Variants in SEMA3C observed in about 807,000 individuals in gnomAD.
SEMA3C encodes the protein semaphorin 3C, also known as semaphorin-3C.
SEMA3C carries 47 observed loss-of-function variants against 89.4 expected under a neutral mutation model. The observed-to-expected ratio is 0.53, with a 90% CI of 0.42 to 0.67. The LOEUF (loss-of-function observed/expected upper bound fraction) is 0.67. Ranked by LOEUF, SEMA3C falls within the 30% of genes least tolerant of loss-of-function variation. The pLI, the probability that SEMA3C is intolerant of heterozygous loss-of-function variation, is 0.00. For synonymous variants in SEMA3C, 310 were observed against 320.2 expected, an observed-to-expected ratio of 0.97 and a Z score of 0.34; for missense variants, 839 against 929.1, an observed-to-expected ratio of 0.90 and a Z score of 1.26.
intron 2 of SEMA3C, among the ~76,000 whole-genome samples, chr7:80,891,879 T>C (rs1300633162): frequency 6.6e-6 from 1 of 152,140 alleles, no homozygotes; most frequent in Non-Finnish European, 1.5e-5. Context: ...TAAAATTTAC[T>C]TTTTAAAGTA....
chr7:80,777,280 T>C (rs1205508065), intron 12 of SEMA3C, among the ~76,000 whole-genome samples: 1 of 152,112 alleles, frequency 6.6e-6, no homozygotes, highest in East Asian at 1.9e-4. Context: ...ACCATTCTAA[T>C]AAATTATTTT....
At chr7:80,913,580 T>A (rs1792203185) in intron 2 of SEMA3C, among the ~76,000 whole-genome samples, 1 of 152,212 alleles carries the variant, frequency 6.6e-6, no homozygotes, top group African/African-American at 2.4e-5. Context: ...AGGAAAAACT[T>A]ATACTAAAAG....
intron 15 of SEMA3C, among the ~76,000 whole-genome samples, chr7:80,756,690 C>T (rs1475796437): frequency 5.9e-5 from 9 of 152,194 alleles, no homozygotes; most frequent in African/African-American, 2.2e-4. Context: ...TTGAGCAATC[C>T]TGACATACTC....
chr7:80,767,830 C>T (rs2117065523), intron 12 of SEMA3C, among the ~76,000 whole-genome samples: 1 of 152,182 alleles, frequency 6.6e-6, no homozygotes, highest in Middle Eastern at 3.4e-3. Context: ...GCTTCTATTC[C>T]ACAGGCACGA....
At chr7:80,774,698 A>C (rs1173858054) in intron 12 of SEMA3C, among the ~76,000 whole-genome samples, 1 of 152,160 alleles carries the variant, frequency 6.6e-6, no homozygotes, top group African/African-American at 2.4e-5. Context: ...AAAAGATTGA[A>C]GAAGGTGAAC....
chr7:80,886,735 A>G (rs974374197), intron 2 of SEMA3C, among the ~76,000 whole-genome samples: 6 of 152,220 alleles, frequency 3.9e-5, no homozygotes, highest in Non-Finnish European at 7.4e-5. Context: ...GCAAAAATTC[A>G]GATATCTAAG....
chr7:80,773,456 A>T (rs1276138436), intron 12 of SEMA3C, among the ~76,000 whole-genome samples: 3 of 152,204 alleles, frequency 2.0e-5, no homozygotes, highest in Admixed American at 2.0e-4. Context: ...ACCATGATGG[A>T]GTAATTGATA....
At chr7:80,790,178 G>T (rs1562876182) in intron 11 of SEMA3C, among the ~76,000 whole-genome samples, 1 of 152,062 alleles carries the variant, frequency 6.6e-6, no homozygotes, top group African/African-American at 2.4e-5. Flanking sequence ...CAACTCCTTG[G>T]GAAACTGAGG....
intron 2 of SEMA3C, among the ~76,000 whole-genome samples, chr7:80,883,880 T>A (rs1411622376): frequency 6.6e-6 from 1 of 152,210 alleles, no homozygotes; most frequent in Non-Finnish European, 1.5e-5. Flanking sequence ...CAACTTTCAT[T>A]TTTACTTAGC....
intron 3 of SEMA3C, 106 bp downstream of exon 3, chr7:80,828,479 T>C: frequency 2.2e-6 from 2 of 910,714 alleles, no homozygotes; most frequent in Non-Finnish European, 3.2e-6. Flanking sequence ...GGACCAGTAT[T>C]TTCTATTGTT....
At chr7:80,760,286 C>G (rs1562862642) in intron 14 of SEMA3C, among the ~76,000 whole-genome samples, 1 of 152,136 alleles carries the variant, frequency 6.6e-6, no homozygotes, top group African/African-American at 2.4e-5. Flanking sequence ...ATAGTTAAAA[C>G]TTGCATACAG....
Position 80,815,554 on chromosome 7 carries a change from C to CAAAAAAAAAAAAAAAA in SEMA3C, c.447+2729_447+2744dup, listed in dbSNP as rs761990267. Among the ~76,000 whole-genome samples the CAAAAAAAAAAAAAAAA allele has an allele frequency of 4.4e-3, 261 of 58,756 alleles. 10 individuals carry two copies. The highest frequency in any genetic ancestry group is 0.022 in the East Asian group (29 of 1,346). 38.5% of individuals were successfully genotyped at this position (58,756 alleles called of 152,430 possible). On this transcript the variant is annotated intron_variant, in intron 5 of 17. Transcript: ENST00000265361. ...AAACCCAATCCTTTCTTTAAATGGG[C>CAAAAAAAAAAAAAAAA]AAAAAAAAAAAAAAAAAAAGTAAAT...
intron 2 of SEMA3C, among the ~76,000 whole-genome samples, chr7:80,867,893 T>C (rs1790965863): frequency 6.6e-6 from 1 of 152,196 alleles, no homozygotes; most frequent in African/African-American, 2.4e-5. Flanking sequence ...AGGGAAATGA[T>C]AGGGCATGAC....
chr7:80,873,840 CA>C (rs1296695732), intron 2 of SEMA3C, among the ~76,000 whole-genome samples: 1 of 152,104 alleles, frequency 6.6e-6, no homozygotes, highest in African/African-American at 2.4e-5. Flanking sequence ...AGTTTGTGCA[CA>C]GGGGCAAGGG....
chr7:80,915,294 G>C (rs1242067294), intron 2 of SEMA3C, among the ~76,000 whole-genome samples: 1 of 152,138 alleles, frequency 6.6e-6, no homozygotes, highest in African/African-American at 2.4e-5. Flanking sequence ...CATAGCTATG[G>C]GTTTTAAGGG....
At chr7:80,762,626 C>T (rs563249535) in intron 13 of SEMA3C, among the ~76,000 whole-genome samples, 2 of 152,228 alleles carry the variant, frequency 1.3e-5, no homozygotes, top group South Asian at 2.1e-4. Context: ...TCGAGACCAG[C>T]CTGGCCAAAA....
At chr7:80,833,489 G>GAAAATC (rs944128170) in intron 2 of SEMA3C, among the ~76,000 whole-genome samples, 1 of 151,824 alleles carries the variant, frequency 6.6e-6, no homozygotes, top group African/African-American at 2.4e-5. Flanking sequence ...GAAAAGAAAA[G>GAAAATC]AAAATCGTCA....
At chr7:80,835,331 T>G (rs2115848849) in intron 2 of SEMA3C, among the ~76,000 whole-genome samples, 1 of 152,304 alleles carries the variant, frequency 6.6e-6, no homozygotes, top group African/African-American at 2.4e-5. Flanking sequence ...AACATTCTGT[T>G]ATTCTGTTTG....
chr7:80,812,577 C>T (rs1028580583), intron 5 of SEMA3C, among the ~76,000 whole-genome samples: 1 of 152,090 alleles, frequency 6.6e-6, no homozygotes, highest in South Asian at 2.1e-4. Context: ...TGTTTAGGTA[C>T]CATTTGCTCT....
Sources: allele counts gnomAD v4.1 joint callset (sites outside exome capture counted in the v4.1 genomes callset), GRCh38; gene constraint gnomAD v4.1.1; transcripts MANE v1.5; gene names NCBI Gene and HGNC (gene_info 2026-07-23, HGNC 2026-07-21).